The following DHX29 variants were observed in gnomAD, a reference collection of about 807,000 sequenced individuals.
The protein encoded by DHX29 is DExH-box helicase 29.
Under a neutral mutation model 167.9 loss-of-function variants are expected in DHX29, and 79 were observed. The observed-to-expected ratio is 0.47, with a 90% CI of 0.39 to 0.57. The LOEUF (loss-of-function observed/expected upper bound fraction) is 0.57. Among genes scored for constraint, DHX29 ranks in the 20% least tolerant of loss-of-function variants. The probability of loss-of-function intolerance (pLI) is 0.00; values close to 1 mark genes in which losing one functional copy is unlikely to be tolerated. For synonymous variants in DHX29, 530 were observed against 546.0 expected (o/e 0.97, Z 0.41); for missense variants, 1,347 against 1,593.4 (o/e 0.85, Z 2.63).
chr5:55,305,578 C>T (rs1048158515), intron 1 of DHX29, among the ~76,000 whole-genome samples: 2 of 152,180 alleles, frequency 1.3e-5, no homozygotes, highest in Admixed American at 1.3e-4. Flanking sequence ...TGTTGATATG[C>T]AAGACCAACT....
At chr5:55,282,962 T>A (rs1388576641) in intron 11 of DHX29, 1 of 323,226 alleles carries the variant, frequency 3.1e-6, no homozygotes, top group Non-Finnish European at 5.6e-6. Context: ...ATTATTATAG[T>A]TAATATATTT....
At chr5:55,290,405 A>G (rs1021145835) in intron 6 of DHX29, 61 bp from the exon 7 acceptor site, 3 of 1,518,058 alleles carry the variant, frequency 2.0e-6, no homozygotes, top group Non-Finnish European at 2.6e-6. Context: ...TAGTTTATCT[A>G]TGGTCAATAA....
At chr5:55,267,058 T>C (rs1746612360) in intron 23 of DHX29, 80 bp downstream of exon 23, 3 of 892,358 alleles carry the variant, frequency 3.4e-6, no homozygotes, top group South Asian at 1.8e-5. Flanking sequence ...TGACAAGTAT[T>C]TTCCTAGGCA....
At chr5:55,281,567 ACAAGCTTT>A in intron 11 of DHX29, 52 bp from the exon 12 acceptor site, 1 of 1,381,104 alleles carries the variant, frequency 7.2e-7, no homozygotes, top group South Asian at 1.8e-5. Flanking sequence ...AATATGGGAA[ACAAGCTTT>A]AAAAAGTGAA....
intron 26 of DHX29, among the ~76,000 whole-genome samples, chr5:55,259,466 T>C (rs970503609): frequency 6.6e-6 from 1 of 152,190 alleles, no homozygotes; most frequent in Non-Finnish European, 1.5e-5. Flanking sequence ...TCTTTTTTTC[T>C]TTTTTGAGAT....
intron 14 of DHX29, among the ~76,000 whole-genome samples, chr5:55,275,389 T>C (rs569151809): frequency 6.6e-6 from 1 of 152,344 alleles, no homozygotes; most frequent in Non-Finnish European, 1.5e-5. Context: ...TCATTCCTTC[T>C]ACATTCTACT....
In DHX29 at chr5:55,277,905, CAAA is replaced by C. The variant is rs753851538; in HGVS notation, c.2110-626_2110-624del. Among the ~76,000 whole-genome samples the C allele has an allele frequency of 2.7e-3, 165 of 62,136 alleles. 1 individual carries two copies. The highest frequency in any genetic ancestry group is 0.026 in the Middle Eastern group (3 of 116). The allele number at this position is 62,136 out of a possible 152,430, so 40.8% of individuals were successfully genotyped here. A position where few individuals can be genotyped will look rare whatever the true frequency, so the allele number is the denominator to read the frequency against. ...TGGGCGACAGAGTAAGACTCTATCT[CAAA>C]AAAAAAAAAAAAAAAAAAAGATGTA... is the stretch of plus-strand genomic sequence containing the variant. On this transcript the variant is annotated intron_variant, in intron 12 of 26. Coordinates refer to ENST00000251636, the MANE Select transcript of DHX29 (RefSeq NM_019030.4).
chr5:55,263,771 G>A (rs977071948), intron 23 of DHX29, among the ~76,000 whole-genome samples: 3 of 18,692 alleles, frequency 1.6e-4, no homozygotes, highest in Admixed American at 1.4e-3. Flanking sequence ...ATTTCTACAT[G>A]TTCCCAGTCA....
rs1313674070 is a variant in DHX29, at chr5:55,270,389, C to T, written c.3069+23G>A. ...CTAGAAAGGGGCGAAGGACAAAATC[C>T]ATCCGAGTTCCCTTGAGATTACCAT... On this transcript the variant is annotated intron_variant, in intron 20 of 26. Transcript: ENST00000251636. 3.8e-6 allele frequency: 6 copies of T among 1,580,370 alleles called. No homozygotes were observed. The Admixed American group carries it at 5.6e-5, about 15-fold the overall frequency.
intron 12 of DHX29, among the ~76,000 whole-genome samples, chr5:55,278,638 G>C (rs1242173343): frequency 1.3e-5 from 2 of 152,146 alleles, no homozygotes; most frequent in Non-Finnish European, 2.9e-5. Context: ...TATATTTGAA[G>C]CATAGCTAAT....
At chr5:55,281,814 T>C (rs1206454445) in intron 11 of DHX29, among the ~76,000 whole-genome samples, 3 of 151,580 alleles carry the variant, frequency 2.0e-5, no homozygotes, top group African/African-American at 7.3e-5. Flanking sequence ...AGACGGAGTT[T>C]CATTCTTATT....
chr5:55,284,920 G>C (rs1471046066), intron 10 of DHX29, among the ~76,000 whole-genome samples: 1 of 152,194 alleles, frequency 6.6e-6, no homozygotes, highest in Non-Finnish European at 1.5e-5. Context: ...TGTAGTCCCA[G>C]CTATTCGGGA....
intron 12 of DHX29, among the ~76,000 whole-genome samples, chr5:55,278,524 C>T (rs1747237596): frequency 6.6e-6 from 1 of 152,184 alleles, no homozygotes; most frequent in East Asian, 1.9e-4. Context: ...ACAATAAGTA[C>T]TCAGCATTGT....
intron 1 of DHX29, among the ~76,000 whole-genome samples, chr5:55,304,740 T>C (rs1748778960): frequency 6.6e-6 from 1 of 152,070 alleles, no homozygotes; most frequent in African/African-American, 2.4e-5. Context: ...GTATTACTTG[T>C]TGTGCAAGCC....
chr5:55,287,171 G>A (rs986874752), intron 8 of DHX29, among the ~76,000 whole-genome samples: 1 of 152,198 alleles, frequency 6.6e-6, no homozygotes, highest in Non-Finnish European at 1.5e-5. Flanking sequence ...GCCAGGCATG[G>A]TGGGTCACAC....
At chr5:55,285,143 A>G in intron 10 of DHX29, 150 bp downstream of exon 10, 2 of 1,187,276 alleles carry the variant, frequency 1.7e-6, no homozygotes, top group African/African-American at 1.6e-5. Flanking sequence ...AGAGGAACGA[A>G]AGATCAAACT....
chr5:55,304,309 CTTTTTTTTTTTT>C (rs397882409), intron 1 of DHX29, among the ~76,000 whole-genome samples: 2 of 112,666 alleles, frequency 1.8e-5, no homozygotes, highest in African/African-American at 3.8e-5. Flanking sequence ...TCAAATGTCA[CTTTTTTTTTTTT>C]TTTTTTTTTT....
In DHX29 at chr5:55,262,930, A is replaced by G. The variant is rs1164852909; in HGVS notation, c.3528T>C (p.Asp1176=). ...LNRTSLLTLE[D]VKQELIKLVK... is the part of the protein sequence containing the mutation. ...CCAACTTTATTAACTCCTGCTTTACATCCTAGATTGGTTTATGTTAAAAAC... is the reference window on the plus strand; with the variant it reads ...CCAACTTTATTAACTCCTGCTTTACGTCCTAGATTGGTTTATGTTAAAAAC... Residue 1176 remains aspartate (D), a splice_region_variant and synonymous_variant, in exon 24 of 27, where the codon GAT becomes GAC. Coordinates refer to ENST00000251636, the MANE Select transcript of DHX29 (RefSeq NM_019030.4). 3.1e-6 allele frequency: 5 copies of G among 1,606,498 alleles called. No individual in the cohort carries two copies. The highest frequency in any genetic ancestry group is 4.3e-6 in the Non-Finnish European group (5 of 1,174,808).
rs1296028096 is a variant in DHX29 at position 55,265,085 on chromosome 5, A to C, written c.3525+2053T>G. Among the ~76,000 whole-genome samples the C allele has an allele frequency of 9.8e-5, 4 of 40,618 alleles. No individual in the cohort carries two copies. In the South Asian group the frequency reaches 5.4e-3, roughly 55 times the overall value. The allele number at this position is 40,618 out of a possible 152,430, so 26.6% of individuals were successfully genotyped here. On this transcript the variant is annotated intron_variant, in intron 23 of 26. Transcript: ENST00000251636. ...CAAAAAGGGAGATGACTCTGAAAAA[A>C]AGAAAAAAGAAAAAAAAAAAAACAA... is the stretch of plus-strand genomic sequence containing the variant.
Sources: allele counts gnomAD v4.1 joint callset (sites outside exome capture counted in the v4.1 genomes callset), GRCh38; gene constraint gnomAD v4.1.1; transcripts MANE v1.5; gene names NCBI Gene and HGNC (gene_info 2026-07-23, HGNC 2026-07-21).